The following PPARGC1A variants were observed in gnomAD, a reference collection of about 807,000 sequenced individuals.
The protein encoded by PPARGC1A is PPARG coactivator 1 alpha, also known as peroxisome proliferator-activated receptor gamma coactivator 1-alpha.
Under a neutral mutation model 88.7 loss-of-function variants are expected in PPARGC1A, and 25 were observed. That is an observed-to-expected ratio of 0.28 (90% CI 0.21 to 0.39). PPARGC1A has a LOEUF of 0.39. Ranked by LOEUF, PPARGC1A falls within the 10% of genes least tolerant of loss-of-function variation. The pLI, the probability that PPARGC1A is intolerant of heterozygous loss-of-function variation, is 1.00. For missense variants in PPARGC1A, 880 were observed against 968.7 expected (o/e 0.91, Z 1.22); for synonymous variants, 363 against 355.6 (o/e 1.02, Z -0.24).
chr4:23,941,229 TTTTG>T, the PPARGC1A span, among the ~76,000 whole-genome samples: 2 of 152,062 alleles, frequency 1.3e-5, no homozygotes, highest in African/African-American at 4.8e-5. Context: ...TTTTTTTAAT[TTTTG>T]TTTTTCAGAG....
At chr4:24,133,955 A>G in the PPARGC1A span, among the ~76,000 whole-genome samples, 36,396 of 152,114 alleles carry the variant, frequency 0.24, 4,508 homozygotes, top group Non-Finnish European at 0.28. Flanking sequence ...AATTAGCTCT[A>G]AGAAGTGGTT....
chr4:24,265,177 C>A, the PPARGC1A span, among the ~76,000 whole-genome samples: 1 of 152,078 alleles, frequency 6.6e-6, no homozygotes, highest in African/African-American at 2.4e-5. Flanking sequence ...GAAATATATA[C>A]CCTATTTGGT....
chr4:23,956,908 C>T, the PPARGC1A span, among the ~76,000 whole-genome samples: 12 of 152,098 alleles, frequency 7.9e-5, no homozygotes, highest in African/African-American at 2.9e-4. Flanking sequence ...TTCATTTCAT[C>T]TTTGCTTCAG....
the PPARGC1A span, among the ~76,000 whole-genome samples, chr4:24,177,976 A>C: frequency 5.3e-5 from 8 of 152,228 alleles, no homozygotes; most frequent in African/African-American, 1.9e-4. Context: ...GATTCTCCGT[A>C]TGTCATAAAT....
At chr4:24,047,714 A>G in the PPARGC1A span, among the ~76,000 whole-genome samples, 1 of 152,192 alleles carries the variant, frequency 6.6e-6, no homozygotes, top group South Asian at 2.1e-4. Context: ...AAAAGTATCC[A>G]GGATCTGAGA....
At chr4:23,992,673 A>AGACTAAAG in the PPARGC1A span, among the ~76,000 whole-genome samples, 1 of 151,498 alleles carries the variant, frequency 6.6e-6, no homozygotes, top group African/African-American at 2.4e-5. Flanking sequence ...CCATTTTAAA[A>AGACTAAAG]GACTGATTGA....
At chr4:24,021,120 T>C in the PPARGC1A span, among the ~76,000 whole-genome samples, 4 of 152,212 alleles carry the variant, frequency 2.6e-5, no homozygotes, top group African/African-American at 9.6e-5. Flanking sequence ...TCCTGGCCCA[T>C]AGCAGGCAAG....
chr4:24,393,699 T>A, the PPARGC1A span, among the ~76,000 whole-genome samples: 2 of 152,250 alleles, frequency 1.3e-5, no homozygotes, highest in South Asian at 2.1e-4. Flanking sequence ...ATTTCTGTCG[T>A]CAGTACCACA....
At chr4:24,177,378 A>G in the PPARGC1A span, among the ~76,000 whole-genome samples, 3 of 150,760 alleles carry the variant, frequency 2.0e-5, no homozygotes, top group African/African-American at 7.3e-5. Flanking sequence ...AAAAAACCAA[A>G]CACCGCATGT....
chr4:24,109,685 G>A, the PPARGC1A span, among the ~76,000 whole-genome samples: 2 of 152,044 alleles, frequency 1.3e-5, no homozygotes, highest in Non-Finnish European at 2.9e-5. Flanking sequence ...CCCTACAATC[G>A]ACCTTGAAAA....
At chr4:24,323,694 C>T in the PPARGC1A span, among the ~76,000 whole-genome samples, 1 of 152,368 alleles carries the variant, frequency 6.6e-6, no homozygotes, top group East Asian at 1.9e-4. Context: ...GTTTGGTGGT[C>T]TCTTCACACG....
chr4:23,947,401 AAAAC>A, the PPARGC1A span, among the ~76,000 whole-genome samples: 1 of 4,062 alleles, frequency 2.5e-4, no homozygotes, highest in African/African-American at 5.0e-4. Flanking sequence ...ATATATAAAA[AAAAC>A]GGTGATGGAG....
chr4:24,112,221 G>T, the PPARGC1A span, among the ~76,000 whole-genome samples: 1 of 152,194 alleles, frequency 6.6e-6, no homozygotes, highest in Non-Finnish European at 1.5e-5. Flanking sequence ...ATGTAAGACA[G>T]TAGGGAATGG....
the PPARGC1A span, among the ~76,000 whole-genome samples, chr4:24,067,644 G>T: frequency 6.6e-6 from 1 of 152,200 alleles, no homozygotes; most frequent in African/African-American, 2.4e-5. Flanking sequence ...TAGGGAATTA[G>T]ATCCTTCTGT....
the PPARGC1A span, among the ~76,000 whole-genome samples, chr4:23,996,385 C>T: frequency 2.6e-5 from 4 of 152,242 alleles, no homozygotes; most frequent in African/African-American, 7.2e-5. Flanking sequence ...CCTATCCATT[C>T]GTCTTACCTT....
the PPARGC1A span, among the ~76,000 whole-genome samples, chr4:24,204,676 G>C: frequency 6.6e-6 from 1 of 152,046 alleles, no homozygotes; most frequent in Non-Finnish European, 1.5e-5. Flanking sequence ...CTTCCTTTGC[G>C]ACTCAGTAAC....
chr4:23,909,486 T>A, the PPARGC1A span, among the ~76,000 whole-genome samples: 1 of 151,894 alleles, frequency 6.6e-6, no homozygotes, highest in Admixed American at 6.5e-5. Flanking sequence ...GCCCCTCTAA[T>A]AAAAGTTCTG....
chr4:23,865,482 T>C (rs1160473623), intron 2 of PPARGC1A, among the ~76,000 whole-genome samples: 1 of 152,130 alleles, frequency 6.6e-6, no homozygotes, highest in Admixed American at 6.5e-5. Flanking sequence ...AGGCTGGTAA[T>C]TCAGGTAGAA....
chr4:24,323,672 C>G, the PPARGC1A span, among the ~76,000 whole-genome samples: 1 of 152,246 alleles, frequency 6.6e-6, no homozygotes, highest in Non-Finnish European at 1.5e-5. Context: ...CCATGTTGCT[C>G]ACACAAAGCC....
Sources: allele counts gnomAD v4.1 joint callset (sites outside exome capture counted in the v4.1 genomes callset), GRCh38; gene constraint gnomAD v4.1.1; transcripts MANE v1.5; gene names NCBI Gene and HGNC (gene_info 2026-07-23, HGNC 2026-07-21).